The following ZFHX3 variants were observed in gnomAD, a reference collection of about 807,000 sequenced individuals.
The protein encoded by ZFHX3 is zinc finger homeobox 3, also known as zinc finger homeobox protein 3.
ZFHX3 carries 42 observed loss-of-function variants against 279.1 expected under a neutral mutation model. The ratio of observed to expected loss-of-function variants is 0.15; its 90% confidence interval spans 0.12 to 0.19. ZFHX3 has a LOEUF of 0.19. ZFHX3 is among the 10% of genes least tolerant of loss of function. ZFHX3 has a pLI of 1.00. For missense variants in ZFHX3, 4,981 were observed against 4,754.0 expected, an observed-to-expected ratio of 1.05 and a Z score of -1.40; for synonymous variants, 2,293 against 1,957.8, an observed-to-expected ratio of 1.17 and a Z score of -4.52.
At chr16:73,573,993 T>C (rs967289775) in intron 2 of ZFHX3, among the ~76,000 whole-genome samples, 13 of 152,178 alleles carry the variant, frequency 8.5e-5, no homozygotes, top group Admixed American at 8.5e-4. Flanking sequence ...TCTCCTCCCT[T>C]CTTTTCTGTC....
chr16:72,996,713 G>T (rs1048726076), intron 1 of ZFHX3, among the ~76,000 whole-genome samples: 1 of 152,234 alleles, frequency 6.6e-6, no homozygotes, highest in Non-Finnish European at 1.5e-5. Flanking sequence ...AGTTCTGGCA[G>T]TTTCACCTGG....
intron 4 of ZFHX3, among the ~76,000 whole-genome samples, chr16:72,857,916 G>A (rs1226081479): frequency 6.6e-6 from 1 of 152,194 alleles, no homozygotes. Context: ...CAAAGGCAGG[G>A]TTTTCTTGCC....
chr16:73,412,289 G>A lies in ZFHX3; in HGVS notation c.-1291+43714C>T, dbSNP rs563006340. 4.0e-5 allele frequency among the ~76,000 whole-genome samples: 6 copies of A among 149,868 alleles called. No homozygotes were observed. The East Asian group carries it at 5.9e-4, about 15-fold the overall frequency. On this transcript the variant is annotated intron_variant, in intron 3 of 17. Transcript: ENST00000641206. ...CTACAGTGAGCCATAATCACGCCAC[G>A]GCACTCCACCCTGGGCAACAGAGTG...
At chr16:73,787,137 T>C (rs541337352) in intron 1 of ZFHX3, among the ~76,000 whole-genome samples, 2 of 152,312 alleles carry the variant, frequency 1.3e-5, no homozygotes, top group South Asian at 2.1e-4. Context: ...AAGAAACTCA[T>C]GTGTTCAAGC....
intron 5 of ZFHX3, among the ~76,000 whole-genome samples, chr16:73,253,796 G>A (rs2013583005): frequency 6.6e-6 from 1 of 152,130 alleles, no homozygotes. Context: ...TAGGCAAGGA[G>A]CAGAGACAGA....
chr16:73,090,152 G>A (rs1177839371), intron 8 of ZFHX3, among the ~76,000 whole-genome samples: 2 of 152,218 alleles, frequency 1.3e-5, no homozygotes, highest in Admixed American at 6.5e-5. Flanking sequence ...CCAGCACTTC[G>A]GGAGGCCAAG....
intron 9 of ZFHX3, 97 bp from the exon 10 acceptor site, chr16:72,788,945 A>T (rs1439597833): frequency 4.7e-6 from 7 of 1,476,014 alleles, no homozygotes; most frequent in African/African-American, 1.4e-5. Context: ...ACAGTTTGAG[A>T]TGTCAAGGCT....
chr16:73,264,829 G>A (rs1227183470), intron 4 of ZFHX3, among the ~76,000 whole-genome samples: 1 of 152,048 alleles, frequency 6.6e-6, no homozygotes, highest in Non-Finnish European at 1.5e-5. Context: ...TGAGAACAAT[G>A]TTTGGTTTTC....
At chr16:72,801,812 G>C (rs1222517958) in intron 7 of ZFHX3, among the ~76,000 whole-genome samples, 1 of 152,068 alleles carries the variant, frequency 6.6e-6, no homozygotes, top group Non-Finnish European at 1.5e-5. Flanking sequence ...TCTGACTAGT[G>C]TGGTTGGGGA....
intron 1 of ZFHX3, among the ~76,000 whole-genome samples, chr16:73,054,093 A>C (rs1309290164): frequency 6.6e-6 from 1 of 152,134 alleles, no homozygotes; most frequent in African/African-American, 2.4e-5. Flanking sequence ...GAAGGAGCCC[A>C]AAACCCAGTT....
At chr16:73,051,104 C>G (rs549259228), upstream of ZFHX3, among the ~76,000 whole-genome samples, 72 of 152,074 alleles carry the variant, frequency 4.7e-4, no homozygotes, top group Admixed American at 1.2e-3. Flanking sequence ...TTCTGACTTC[C>G]AGCGTAACCT....
chr16:73,567,796 C>A (rs1462363829), intron 2 of ZFHX3, among the ~76,000 whole-genome samples: 1 of 152,174 alleles, frequency 6.6e-6, no homozygotes, highest in Admixed American at 6.5e-5. Context: ...ATATTGTATA[C>A]CTTCGAATTT....
At chr16:73,721,564 C>T (rs2053473969) in intron 1 of ZFHX3, among the ~76,000 whole-genome samples, 1 of 152,156 alleles carries the variant, frequency 6.6e-6, no homozygotes, top group South Asian at 2.1e-4. Flanking sequence ...GACTGTGAAG[C>T]CCACCCAAGC....
chr16:72,800,919 G>A (rs896110079), intron 7 of ZFHX3, among the ~76,000 whole-genome samples: 1 of 152,128 alleles, frequency 6.6e-6, no homozygotes, highest in Non-Finnish European at 1.5e-5. Flanking sequence ...TCTGGAAATC[G>A]CCTGGATCCA....
rs188214476 is a variant in ZFHX3 at position 73,681,607 on chromosome 16, C to T, written c.-1607-1367G>A. 7.2e-5 allele frequency among the ~76,000 whole-genome samples: 11 copies of T among 152,264 alleles called. No individual in the cohort carries two copies. The East Asian group carries it at 1.9e-3, about 27-fold the overall frequency. ...TCTAGCAAGGGAAGCACCTTGCTAA[C>T]GGCTAAGTCTGGCAAGGCTTAGGAT... On this transcript the variant is annotated intron_variant, in intron 1 of 17. Transcript: ENST00000641206.
intron 1 of ZFHX3, among the ~76,000 whole-genome samples, chr16:73,011,624 T>A (rs901002599): frequency 2.0e-5 from 3 of 151,896 alleles, no homozygotes; most frequent in African/African-American, 7.3e-5. Context: ...CTCAGGAGGC[T>A]GAGGCAGGAG....
chr16:73,755,946 G>A (rs1373323862), intron 1 of ZFHX3, among the ~76,000 whole-genome samples: 2 of 152,214 alleles, frequency 1.3e-5, no homozygotes, highest in Non-Finnish European at 2.9e-5. Flanking sequence ...GCTGGCTCCT[G>A]TTGGGTCCTG....
chr16:72,880,709 G>T (rs1236158173), intron 4 of ZFHX3, among the ~76,000 whole-genome samples: 1 of 152,138 alleles, frequency 6.6e-6, no homozygotes, highest in East Asian at 1.9e-4. Context: ...TCTGATTTTT[G>T]ATATTCTAAT....
At chr16:73,227,203 G>A (rs1018677414) in intron 5 of ZFHX3, among the ~76,000 whole-genome samples, 5 of 152,194 alleles carry the variant, frequency 3.3e-5, no homozygotes, top group African/African-American at 4.8e-5. Flanking sequence ...AAAGTAAAGA[G>A]AGAAAAGGAG....
Sources: gnomAD v4.1 joint callset for allele counts (sites outside exome capture counted in the v4.1 genomes callset) on GRCh38, gnomAD v4.1.1 for gene constraint, MANE v1.5 for transcripts, NCBI Gene and HGNC (gene_info 2026-07-23, HGNC 2026-07-21) for gene names.